The following ZNF831 variants were observed in gnomAD, a reference collection of about 807,000 sequenced individuals.
ZNF831 encodes the protein zinc finger protein 831.
In ZNF831, 59 loss-of-function variants were observed where a neutral mutation model predicts 95.8. That is an observed-to-expected ratio of 0.62 (90% CI 0.50 to 0.77). The LOEUF is 0.77. ZNF831 is among the 30% of genes least tolerant of loss of function. ZNF831 has a pLI of 0.00. For missense variants in ZNF831, 2,205 were observed against 2,164.0 expected (o/e 1.02, Z -0.38); for synonymous variants, 961 against 925.5 (o/e 1.04, Z -0.70).
chr20:59,153,381 G>A (rs1470003940), intron 2 of ZNF831, among the ~76,000 whole-genome samples: 1 of 152,234 alleles, frequency 6.6e-6, no homozygotes, highest in Non-Finnish European at 1.5e-5. Flanking sequence ...ATTTCTGTTT[G>A]TCCCTCCTCC....
At chr20:59,177,582 C>G (rs1477830634) in intron 1 of ZNF831, among the ~76,000 whole-genome samples, 1 of 152,178 alleles carries the variant, frequency 6.6e-6, no homozygotes, top group Non-Finnish European at 1.5e-5. Flanking sequence ...TACAGTAGAC[C>G]AGTAAATGAA....
intron 1 of ZNF831, among the ~76,000 whole-genome samples, chr20:59,187,545 A>G (rs181488499): frequency 5.7e-4 from 87 of 152,334 alleles, no homozygotes; most frequent in South Asian, 6.2e-4. Context: ...TTTTTGTTAT[A>G]GCAGCCCAAA....
intron 4 of ZNF831, among the ~76,000 whole-genome samples, chr20:59,239,471 A>G (rs138647926): frequency 0.01 from 1,533 of 152,048 alleles, 27 homozygotes; most frequent in African/African-American, 0.036. Flanking sequence ...TTACGGTTCA[A>G]GTTTCCCCCC....
At position 59,131,035 on chromosome 20, in the gene ZNF831, C is replaced by T. The variant is rs1360609030; in HGVS notation, c.-1425+7530C>T. 2.0e-5 allele frequency among the ~76,000 whole-genome samples: 3 copies of T among 152,078 alleles called. 1 individual carries two copies. The South Asian group carries it at 6.2e-4, about 32-fold the overall frequency. Reference sequence around the variant, plus strand: ...TGCTCAGTAAACATGAGATGTGTCTCGCTCAGTAAACATGAGATGTGTCTG... The same window carrying T: ...TGCTCAGTAAACATGAGATGTGTCTTGCTCAGTAAACATGAGATGTGTCTG... On this transcript the variant is annotated intron_variant, in intron 1 of 7. Transcript: ENST00000637017.
chr20:59,209,815 C>T (rs1272598697), intron 4 of ZNF831, among the ~76,000 whole-genome samples: 3 of 152,296 alleles, frequency 2.0e-5, no homozygotes, highest in Non-Finnish European at 4.4e-5. Context: ...CGTCTTGTGG[C>T]CTCTGCCTAC....
chr20:59,253,066 A>G lies in ZNF831; in HGVS notation c.4116A>G (p.Arg1372=), dbSNP rs1987978993. 12 of 1,614,194 alleles carry G rather than the reference A, an allele frequency of 7.4e-6. No homozygotes were observed. Among genetic ancestry groups the G allele is most frequent in the Non-Finnish European group, 1.0e-5 (12 of 1,180,016 alleles). Residue 1372 remains arginine, a synonymous_variant, in exon 5 of 6, where the codon AGA becomes AGG. Coordinates refer to ENST00000371030, the MANE Select transcript of ZNF831 (RefSeq NM_178457.3). ...AAGAGAAGAAGGAAGGTGACTGCAG[A>G]CAAACCTTAGGAACCCTCTCTCTTG... ...GKEEKKEGDC[R]QTLGTLSLGT...
At position 59,208,614 on chromosome 20, in the gene ZNF831, T is replaced by A. The variant is rs1985069495; in HGVS notation, c.4027+1558T>A. The stretch of plus-strand genomic sequence containing the variant: ...CAGAATTGTGTGTGTGTGGGTGACT[T>A]CCAGAGGCATGGGAACTCCAAGTAC... On this transcript the variant is annotated intron_variant, in intron 4 of 5. Coordinates refer to ENST00000371030, the MANE Select transcript of ZNF831 (RefSeq NM_178457.3). The surrounding 1 kb of genome is among the most constrained non-coding windows in gnomAD (Gnocchi z 4.2). Among the ~76,000 whole-genome samples, 1 of 152,146 alleles carries A rather than the reference T, an allele frequency of 6.6e-6. No individual in the cohort carries two copies. The highest frequency in any genetic ancestry group is 1.5e-5 in the Non-Finnish European group (1 of 68,016).
At position 59,193,203 on chromosome 20, in the gene ZNF831, T is replaced by A. The variant is rs2146578829; in HGVS notation, c.2184T>A (p.Ala728=). ...GDSDRPRVEE[A]VSSPALGGRD... Reference sequence around the variant, plus strand: ...GTGACCGACCCAGGGTGGAAGAGGCTGTGTCATCCCCTGCACTGGGTGGCA... The same window carrying A: ...GTGACCGACCCAGGGTGGAAGAGGCAGTGTCATCCCCTGCACTGGGTGGCA... Residue 728 remains alanine, a synonymous_variant, in exon 2 of 6, where the codon GCT becomes GCA. Coordinates refer to ENST00000371030, the MANE Select transcript of ZNF831 (RefSeq NM_178457.3). 1 of 1,584,276 alleles carries A rather than the reference T, an allele frequency of 6.3e-7. No individual in the cohort carries two copies. Among genetic ancestry groups the A allele is most frequent in the Non-Finnish European group, 8.6e-7 (1 of 1,164,972 alleles).
Position 59,191,434 on chromosome 20 carries a change from C to G in ZNF831, c.415C>G (p.Arg139Gly), listed in dbSNP as rs1222562641. 1 of 1,612,558 alleles carries G rather than the reference C, an allele frequency of 6.2e-7. No individual in the cohort carries two copies. Among genetic ancestry groups the G allele is most frequent in the South Asian group, 1.1e-5 (1 of 91,020 alleles). Residue 139 changes from arginine to glycine, a missense_variant, in exon 2 of 6, where the codon CGG becomes GGG. Physicochemically the swap from Arg to Gly is moderately radical, Grantham distance 125. Coordinates refer to ENST00000371030, the MANE Select transcript of ZNF831 (RefSeq NM_178457.3). ...CACGCTGGGCAGCCCAGGCAAGGTG[C>G]GGAATGCGGGCAAGTACCTGTGTCC... ...GPTLGSPGKVRNAGKYLCPHC... is the reference protein window; with the variant it reads ...GPTLGSPGKVGNAGKYLCPHC...
intron 2 of ZNF831, among the ~76,000 whole-genome samples, chr20:59,151,884 G>A (rs1367119542): frequency 6.6e-6 from 1 of 152,196 alleles, no homozygotes; most frequent in Non-Finnish European, 1.5e-5. Flanking sequence ...GATGCTGCAA[G>A]GGGAAGGTGT....
In ZNF831 at chr20:59,255,320, T is replaced by G. The variant is rs1988125579; in HGVS notation, c.*577T>G. ...GATACATTAAAAAACTGAAGCTTGTTCAGAGTAATTCACGTCCTTGGTGGA... is the reference window on the plus strand; with the variant it reads ...GATACATTAAAAAACTGAAGCTTGTGCAGAGTAATTCACGTCCTTGGTGGA... On this transcript the variant is annotated 3_prime_UTR_variant, in exon 6 of 6. Coordinates refer to ENST00000371030, the MANE Select transcript of ZNF831 (RefSeq NM_178457.3). 1.3e-5 allele frequency: 2 copies of G among 153,492 alleles called. No homozygotes were observed. Among genetic ancestry groups the G allele is most frequent in the African/African-American group, 4.8e-5 (2 of 41,458 alleles). The allele number at this position is 153,492 out of a possible 1,614,324, so 9.5% of individuals were successfully genotyped here. A position where few individuals can be genotyped will look rare whatever the true frequency, so the allele number is the denominator to read the frequency against.
intron 2 of ZNF831, 126 bp downstream of exon 2, chr20:59,194,883 TC>T: frequency 1.5e-6 from 2 of 1,341,302 alleles, no homozygotes; most frequent in Non-Finnish European, 2.0e-6. Flanking sequence ...GCTTGCTTGT[TC>T]CTGAGGGAGG....
upstream of ZNF831, among the ~76,000 whole-genome samples, chr20:59,162,884 A>G (rs1256106218): frequency 1.3e-5 from 2 of 152,150 alleles, no homozygotes; most frequent in African/African-American, 4.8e-5. Context: ...AGCAGTATGG[A>G]CATTTTAATG....
At chr20:59,176,139 G>A (rs968835670) in intron 1 of ZNF831, among the ~76,000 whole-genome samples, 8 of 152,210 alleles carry the variant, frequency 5.3e-5, no homozygotes, top group African/African-American at 1.7e-4. Flanking sequence ...ACTTGGCAAG[G>A]AAAAGGAATG....
At chr20:59,174,510 C>T (rs1344040500) in intron 1 of ZNF831, among the ~76,000 whole-genome samples, 1 of 152,124 alleles carries the variant, frequency 6.6e-6, no homozygotes, top group Non-Finnish European at 1.5e-5. Context: ...ACATTTAGAA[C>T]CATATCAGAC....
At chr20:59,151,073 G>A (rs1269300244) in intron 2 of ZNF831, among the ~76,000 whole-genome samples, 1 of 152,190 alleles carries the variant, frequency 6.6e-6, no homozygotes, top group Non-Finnish European at 1.5e-5. Flanking sequence ...GGCTGATAGC[G>A]GCTGGGTCTC....
chr20:59,170,456 GT>G (rs772895643), intron 1 of ZNF831, among the ~76,000 whole-genome samples: 2 of 152,126 alleles, frequency 1.3e-5, no homozygotes, highest in Non-Finnish European at 2.9e-5. Context: ...TTATCTTTCT[GT>G]TGTTGATTCA....
chr20:59,150,624 C>T (rs1980175068), intron 2 of ZNF831, among the ~76,000 whole-genome samples: 1 of 152,224 alleles, frequency 6.6e-6, no homozygotes, highest in Admixed American at 6.5e-5. Flanking sequence ...TTGAGGCAAA[C>T]TTCTCCATCC....
At chr20:59,136,247 C>T (rs962318692) in intron 1 of ZNF831, among the ~76,000 whole-genome samples, 5 of 152,322 alleles carry the variant, frequency 3.3e-5, no homozygotes, top group Non-Finnish European at 1.5e-5. Context: ...CTACCCTCTG[C>T]TGCTGCTTCA....
Sources: allele counts gnomAD v4.1 joint callset (sites outside exome capture counted in the v4.1 genomes callset), GRCh38; gene constraint gnomAD v4.1.1; non-coding constraint Gnocchi (gnomAD v3.1); transcripts MANE v1.5; gene names NCBI Gene and HGNC (gene_info 2026-07-23, HGNC 2026-07-21).